Variants in RAP1GAP2 observed in about 807,000 individuals in gnomAD.
The protein encoded by RAP1GAP2 is rap1 GTPase-activating protein 2.
A neutral mutation model predicts 95.0 loss-of-function variants in RAP1GAP2; 27 were observed. The ratio of observed to expected loss-of-function variants is 0.28; its 90% CI spans 0.21 to 0.39. The LOEUF (loss-of-function observed/expected upper bound fraction) is 0.39, where lower values mean the gene tolerates loss of function less well. Among genes scored for constraint, RAP1GAP2 ranks in the 10% least tolerant of loss-of-function variants. The pLI is 1.00. For missense variants in RAP1GAP2, 771 were observed against 970.0 expected (o/e 0.79, Z 2.72); for synonymous variants, 373 against 380.9 (o/e 0.98, Z 0.24).
intron 2 of RAP1GAP2, among the ~76,000 whole-genome samples, chr17:2,847,294 A>C (rs550755938): frequency 6.6e-6 from 1 of 152,322 alleles, no homozygotes; most frequent in South Asian, 2.1e-4. Context: ...GGTGTGAGCC[A>C]CCGCGCCCGG....
In RAP1GAP2 at chr17:2,921,715, A is replaced by AGGGCCGTTAAGGTGTCCG. The variant is rs1555569365; in HGVS notation, c.165+16347_165+16348insGGGCCGTTAAGGTGTCCG. Reference sequence around the variant, plus strand: ...GTGTCCGCAGGGCCGTTATGTGTCCACAGGGCCGTTAAGGTGTCAGCAGGA... The same window carrying AGGGCCGTTAAGGTGTCCG: ...GTGTCCGCAGGGCCGTTATGTGTCCAGGGCCGTTAAGGTGTCCGCAGGGCCGTTAAGGTGTCAGCAGGA... On this transcript the variant is annotated intron_variant, in intron 3 of 24. Transcript: ENST00000254695. 4.7e-5 allele frequency among the ~76,000 whole-genome samples: 7 copies of AGGGCCGTTAAGGTGTCCG among 149,660 alleles called. No individual in the cohort carries two copies. The East Asian group carries it at 1.4e-3, about 30-fold the overall frequency.
chr17:2,920,155 C>T (rs1417491016), intron 3 of RAP1GAP2, among the ~76,000 whole-genome samples: 1 of 152,158 alleles, frequency 6.6e-6, no homozygotes, highest in Admixed American at 6.5e-5. Flanking sequence ...CAGGTGTGCA[C>T]CACCACGCCC....
rs779507704 is a variant in RAP1GAP2, at chr17:2,963,384, G to A, written c.247-46G>A. ...CCTGGAAACAGTGGTCAGACTTTAC[G>A]GGCACTGCCGGGACTAACGGTGGCA... On this transcript the variant is annotated intron_variant, in intron 5 of 24. Coordinates refer to ENST00000254695, the MANE Select transcript of RAP1GAP2 (RefSeq NM_015085.5). This position sits in a 1 kb window ranked among gnomAD's most constrained non-coding sequence, Gnocchi z 4.8. The A allele has an allele frequency of 1.9e-5, 31 of 1,612,324 alleles. No individual in the cohort carries two copies. The East Asian group carries it at 4.5e-4, about 23-fold the overall frequency.
At chr17:2,774,173 G>T (rs1462184597), upstream of RAP1GAP2, among the ~76,000 whole-genome samples, 8 of 152,212 alleles carry the variant, frequency 5.3e-5, no homozygotes, top group Admixed American at 5.2e-4. Flanking sequence ...TTCCCATGGA[G>T]TAGAAGCTTG....
At chr17:2,877,399 G>T (rs148528301) in intron 2 of RAP1GAP2, among the ~76,000 whole-genome samples, 1 of 152,300 alleles carries the variant, frequency 6.6e-6, no homozygotes, top group Non-Finnish European at 1.5e-5. Context: ...CCGTAAGGCA[G>T]CCAGAGTGAT....
chr17:2,835,401 A>G (rs1444644599), intron 2 of RAP1GAP2, among the ~76,000 whole-genome samples: 1 of 150,976 alleles, frequency 6.6e-6, no homozygotes, highest in African/African-American at 2.4e-5. Flanking sequence ...TTGTATTTTT[A>G]GTAGAGATGG....
chr17:2,849,893 A>G (rs2071754578), intron 2 of RAP1GAP2, among the ~76,000 whole-genome samples: 1 of 151,978 alleles, frequency 6.6e-6, no homozygotes, highest in African/African-American at 2.4e-5. Context: ...CTTGGAGCAG[A>G]GTAATGTGAA....
intron 7 of RAP1GAP2, chr17:2,964,886 C>T (rs1292663050): frequency 2.0e-5 from 3 of 152,534 alleles, no homozygotes; most frequent in East Asian, 1.9e-4. Context: ...AGCCTGAGGC[C>T]GCTTTGCAGA....
intron 1 of RAP1GAP2, 156 bp from the exon 2 acceptor site, chr17:2,800,359 C>G (rs894142459): frequency 1.3e-6 from 1 of 744,452 alleles, no homozygotes; most frequent in Non-Finnish European, 1.6e-6. Context: ...AGAGGCGTCT[C>G]TCCCCCTGCT....
At chr17:2,944,291 C>G (rs546176658) in intron 3 of RAP1GAP2, among the ~76,000 whole-genome samples, 1 of 151,426 alleles carries the variant, frequency 6.6e-6, no homozygotes, top group African/African-American at 2.4e-5. Context: ...GGAAACAGCA[C>G]GGAGATTGCT....
At chr17:2,916,583 A>G (rs1051524406) in intron 3 of RAP1GAP2, among the ~76,000 whole-genome samples, 1 of 152,142 alleles carries the variant, frequency 6.6e-6, no homozygotes, top group Non-Finnish European at 1.5e-5. Flanking sequence ...TGCGTGAATC[A>G]TTTCAACAGG....
intron 3 of RAP1GAP2, among the ~76,000 whole-genome samples, chr17:2,956,946 G>A (rs1174024339): frequency 1.3e-5 from 2 of 152,076 alleles, no homozygotes; most frequent in African/African-American, 4.8e-5. Context: ...GGCCAACATA[G>A]TGAAACCCCG....
At chr17:2,955,868 A>C (rs542726460) in intron 3 of RAP1GAP2, among the ~76,000 whole-genome samples, 1 of 152,274 alleles carries the variant, frequency 6.6e-6, no homozygotes, top group East Asian at 1.9e-4. Flanking sequence ...TCTTTTAACC[A>C]ATTTTCTGCA....
chr17:2,858,412 A>T (rs1026401750), intron 2 of RAP1GAP2, among the ~76,000 whole-genome samples: 3 of 152,150 alleles, frequency 2.0e-5, no homozygotes, highest in Non-Finnish European at 4.4e-5. Context: ...GTTTAAAAAA[A>T]TTTTGTTGTG....
intron 1 of RAP1GAP2, among the ~76,000 whole-genome samples, chr17:2,762,145 G>A (rs1597263463): frequency 6.6e-6 from 1 of 150,944 alleles, no homozygotes; most frequent in Non-Finnish European, 1.5e-5. Context: ...CCGCCACCAC[G>A]CCCAGCTAAT....
chr17:3,003,460 G>A lies in RAP1GAP2; in HGVS notation c.1201-1909G>A, dbSNP rs1371813565. Among the ~76,000 whole-genome samples the A allele has an allele frequency of 6.6e-6, 1 of 151,940 alleles. No homozygotes were observed. Among genetic ancestry groups the A allele is most frequent in the African/African-American group, 2.4e-5 (1 of 41,370 alleles). ...CACCGCCGGGGAGGGCCCTGTCTTT[G>A]TAGCCCCCTCCCCGTTTCCCGTCAC... On this transcript the variant is annotated intron_variant, in intron 14 of 24. Transcript: ENST00000254695. This position sits in a 1 kb window ranked among gnomAD's most constrained non-coding sequence, Gnocchi z 4.1.
intron 3 of RAP1GAP2, among the ~76,000 whole-genome samples, chr17:2,913,589 T>C (rs114203314): frequency 0.02 from 3,109 of 152,166 alleles, 110 homozygotes; most frequent in African/African-American, 0.07. Context: ...ACACTCGGCC[T>C]TCTGTTCATG....
intron 3 of RAP1GAP2, among the ~76,000 whole-genome samples, chr17:2,956,854 C>T (rs550795883): frequency 3.9e-5 from 6 of 152,282 alleles, no homozygotes; most frequent in East Asian, 1.9e-4. Context: ...CTAGGCTGGG[C>T]GTGGTAGCTC....
chr17:2,804,158 C>A (rs557190103), intron 2 of RAP1GAP2, among the ~76,000 whole-genome samples: 76 of 152,178 alleles, frequency 5.0e-4, no homozygotes, highest in Non-Finnish European at 9.7e-4. Context: ...AGCGGATACT[C>A]CTGGGCTGCA....
Sources: allele counts gnomAD v4.1 joint callset (sites outside exome capture counted in the v4.1 genomes callset), GRCh38; gene constraint gnomAD v4.1.1; non-coding constraint Gnocchi (gnomAD v3.1); transcripts MANE v1.5; gene names NCBI Gene and HGNC (gene_info 2026-07-23, HGNC 2026-07-21).